The following SMG6 variants were observed in gnomAD, a reference collection of about 807,000 sequenced individuals.
SMG6 encodes the protein telomerase-binding protein EST1A.
SMG6 carries 66 observed loss-of-function variants against 142.2 expected under a neutral mutation model. The observed-to-expected ratio is 0.46, with a 90% CI of 0.38 to 0.57. The LOEUF (loss-of-function observed/expected upper bound fraction) is 0.57. SMG6 is among the 20% of genes least tolerant of loss of function. The pLI is 0.00. For missense variants in SMG6, 1,793 were observed against 1,832.0 expected (o/e 0.98, Z 0.39); for synonymous variants, 779 against 702.4 (o/e 1.11, Z -1.72).
At chr17:2,110,512 A>C (rs1362737606) in intron 13 of SMG6, among the ~76,000 whole-genome samples, 1 of 152,196 alleles carries the variant, frequency 6.6e-6, no homozygotes, top group Non-Finnish European at 1.5e-5. Flanking sequence ...GATAATCAAC[A>C]TCATTTGTGA....
Position 2,268,922 on chromosome 17 carries a change from C to A in SMG6, c.2661+13725G>T, listed in dbSNP as rs548889192. 7.2e-3 allele frequency among the ~76,000 whole-genome samples: 809 copies of A among 112,934 alleles called. 9 individuals are homozygous for A. The highest frequency in any genetic ancestry group is 0.026 in the African/African-American group (768 of 29,752). 74.1% of individuals were successfully genotyped at this position (112,934 alleles called of 152,430 possible). A position where few individuals can be genotyped will look rare whatever the true frequency, so the allele number is the denominator to read the frequency against. On this transcript the variant is annotated intron_variant, in intron 8 of 18. Coordinates refer to ENST00000263073, the MANE Select transcript of SMG6 (RefSeq NM_017575.5). ...GTTAGACTTCGTCTCAAAAAAAAAA[C>A]GATCAGGCACGGTGGCTCACGCCTG...
intron 12 of SMG6, among the ~76,000 whole-genome samples, chr17:2,184,821 C>T (rs185537115): frequency 2.7e-5 from 4 of 148,676 alleles, no homozygotes; most frequent in Admixed American, 1.3e-4. Context: ...AAAAATTAGC[C>T]GGGTGTGGTG....
intron 8 of SMG6, among the ~76,000 whole-genome samples, chr17:2,260,331 C>CA (rs1187920072): frequency 2.0e-5 from 3 of 152,288 alleles, no homozygotes; most frequent in South Asian, 2.1e-4. Context: ...TTTCCCCCCC[C>CA]ACAGCCAGAT....
chr17:2,209,465 C>T (rs748368521), intron 10 of SMG6, among the ~76,000 whole-genome samples: 29 of 152,242 alleles, frequency 1.9e-4, no homozygotes, highest in African/African-American at 5.3e-4. Flanking sequence ...CAGGTTCAAG[C>T]GATTCTCCTG....
chr17:2,203,265 G>C (rs1234020303), intron 10 of SMG6, among the ~76,000 whole-genome samples: 1 of 152,192 alleles, frequency 6.6e-6, no homozygotes, highest in East Asian at 1.9e-4. Context: ...ACAGGTTACT[G>C]TCTGAGCCCA....
intron 8 of SMG6, among the ~76,000 whole-genome samples, chr17:2,279,505 C>A (rs985918511): frequency 1.3e-5 from 2 of 151,888 alleles, no homozygotes; most frequent in Non-Finnish European, 2.9e-5. Flanking sequence ...GGGTTACTGT[C>A]TAAAATGAAA....
Position 2,202,713 on chromosome 17 carries a change from G to A in SMG6, c.2870-14198C>T, listed in dbSNP as rs532907859. Among the ~76,000 whole-genome samples the A allele has an allele frequency of 5.3e-5, 8 of 152,186 alleles. No individual in the cohort carries two copies. The South Asian group carries it at 1.7e-3, about 31-fold the overall frequency. On this transcript the variant is annotated intron_variant, in intron 10 of 18. Coordinates refer to ENST00000263073, the MANE Select transcript of SMG6 (RefSeq NM_017575.5). ...CAAAGCCTTGGACAAGGTGTTTTGC[G>A]TATTTTATCTAACACTCAGAAAACC...
At chr17:2,303,001 G>C in intron 1 of SMG6, 2 of 985,460 alleles carry the variant, frequency 2.0e-6, no homozygotes, top group African/African-American at 1.7e-5. Context: ...GAGACACTTA[G>C]AATCTTTCTT....
chr17:2,119,272 C>T lies in SMG6; in HGVS notation c.3358-33371G>A, dbSNP rs1190114908. Among the ~76,000 whole-genome samples, 6 of 151,842 alleles carry T rather than the reference C, an allele frequency of 4.0e-5. No individual in the cohort carries two copies. In the South Asian group the frequency reaches 6.2e-4, roughly 16 times the overall value. ...TGGGGTTTCACTGTGTTAGCCAGGA[C>T]GGTCTCAATCTCCTGACCTTGTGAT... On this transcript the variant is annotated intron_variant, in intron 13 of 18. Transcript: ENST00000263073.
chr17:2,088,627 T>G (rs1260431913), intron 13 of SMG6: 2 of 985,426 alleles, frequency 2.0e-6, no homozygotes, highest in Non-Finnish European at 2.4e-6. Flanking sequence ...TTGTCTGTCT[T>G]TTGGAAGAGT....
At chr17:2,148,365 T>A (rs2070730990) in intron 13 of SMG6, among the ~76,000 whole-genome samples, 1 of 152,138 alleles carries the variant, frequency 6.6e-6, no homozygotes, top group Non-Finnish European at 1.5e-5. Flanking sequence ...CAAGTGTCCA[T>A]CAACAGGTGA....
At chr17:2,090,977 G>A (rs1216288717) in intron 13 of SMG6, among the ~76,000 whole-genome samples, 1 of 152,186 alleles carries the variant, frequency 6.6e-6, no homozygotes, top group East Asian at 1.9e-4. Context: ...CTGCTTGGCT[G>A]GCTTCTGAGG....
At chr17:2,103,950 C>T (rs1325180468) in intron 13 of SMG6, among the ~76,000 whole-genome samples, 1 of 151,734 alleles carries the variant, frequency 6.6e-6, no homozygotes, top group African/African-American at 2.4e-5. Context: ...ACCATCAACA[C>T]ATTCTTTTTT....
chr17:2,244,848 T>C (rs1220189204), intron 8 of SMG6, 129 bp from the exon 9 acceptor site: 3 of 725,368 alleles, frequency 4.1e-6, no homozygotes, highest in Non-Finnish European at 7.1e-6. Flanking sequence ...GGGAACCAAA[T>C]GGACATGCCC....
intron 13 of SMG6, among the ~76,000 whole-genome samples, chr17:2,167,781 T>A (rs1336732043): frequency 6.6e-6 from 1 of 152,260 alleles, no homozygotes; most frequent in Non-Finnish European, 1.5e-5. Flanking sequence ...GCTGCTCACG[T>A]TGCTGCCACT....
intron 10 of SMG6, among the ~76,000 whole-genome samples, chr17:2,209,655 C>A (rs2072790475): frequency 1.3e-5 from 2 of 152,080 alleles, no homozygotes; most frequent in Admixed American, 6.5e-5. Flanking sequence ...TGAGCCACTG[C>A]ACCCAATCTA....
chr17:2,233,881 A>G (rs896711736), intron 10 of SMG6, among the ~76,000 whole-genome samples: 5 of 152,192 alleles, frequency 3.3e-5, no homozygotes, highest in Non-Finnish European at 1.5e-5. Context: ...TCAGCTGCAC[A>G]CTGGGTACTT....
At chr17:2,263,678 G>A (rs1421889831) in intron 8 of SMG6, among the ~76,000 whole-genome samples, 1 of 152,158 alleles carries the variant, frequency 6.6e-6, no homozygotes, top group Non-Finnish European at 1.5e-5. Context: ...AGAAAAAAAA[G>A]AGCACAGTTC....
At chr17:2,297,675 A>T (rs929249455) in intron 3 of SMG6, among the ~76,000 whole-genome samples, 188 bp downstream of exon 3, 2 of 152,148 alleles carry the variant, frequency 1.3e-5, no homozygotes, top group African/African-American at 2.4e-5. Context: ...TTCAACCTCA[A>T]AACTCCAATT....
Sources: allele counts gnomAD v4.1 joint callset (sites outside exome capture counted in the v4.1 genomes callset), GRCh38; gene constraint gnomAD v4.1.1; transcripts MANE v1.5; gene names NCBI Gene and HGNC (gene_info 2026-07-23, HGNC 2026-07-21).